NCAM2: variants seen among roughly 807,000 people sequenced by gnomAD.
The protein encoded by NCAM2 is N-CAM-2.
NCAM2 carries 30 observed loss-of-function variants against 98.1 expected under a neutral mutation model. The observed-to-expected ratio is 0.31, with a 90% CI of 0.23 to 0.41. The LOEUF (loss-of-function observed/expected upper bound fraction) is 0.41, where lower values mean the gene tolerates loss of function less well. Ranked by LOEUF, NCAM2 falls within the 10% of genes least tolerant of loss-of-function variation. The probability of loss-of-function intolerance (pLI) is 1.00; values close to 1 mark genes in which losing one functional copy is unlikely to be tolerated. For missense variants in NCAM2, 867 were observed against 1,005.8 expected (o/e 0.86, Z 1.87); for synonymous variants, 368 against 342.4 (o/e 1.07, Z -0.83).
In NCAM2 at chr21:21,530,047, A is replaced by C. The variant is rs1017454295; in HGVS notation, c.2283-4490A>C. The stretch of plus-strand genomic sequence containing the variant: ...TCTATATGTAATTTTATATTTAATT[A>C]AATAAAAATATATATACTTTAAATA... On this transcript the variant is annotated intron_variant, in intron 16 of 17. Transcript: ENST00000400546. Among the ~76,000 whole-genome samples the C allele has an allele frequency of 5.5e-5, 8 of 146,594 alleles. No homozygotes were observed. In the Admixed American group the frequency reaches 5.5e-4, roughly 10 times the overall value.
intron 15 of NCAM2, among the ~76,000 whole-genome samples, chr21:21,490,127 C>G (rs1334859100): frequency 1.3e-5 from 2 of 152,080 alleles, no homozygotes; most frequent in East Asian, 3.9e-4. Flanking sequence ...TATTCCCTGG[C>G]TATTAACTAA....
intron 1 of NCAM2, among the ~76,000 whole-genome samples, chr21:21,238,158 T>A (rs575226207): frequency 9.9e-5 from 15 of 152,166 alleles, no homozygotes; most frequent in African/African-American, 3.6e-4. Context: ...GGTTTTGTCA[T>A]CTTGGCCAGG....
At chr21:21,127,814 G>A (rs1158368639) in intron 1 of NCAM2, among the ~76,000 whole-genome samples, 1 of 151,966 alleles carries the variant, frequency 6.6e-6, no homozygotes, top group Non-Finnish European at 1.5e-5. Flanking sequence ...ATATTTCATT[G>A]TGTATATATA....
chr21:21,049,596 G>A (rs940309622), intron 1 of NCAM2, among the ~76,000 whole-genome samples: 1 of 151,904 alleles, frequency 6.6e-6, no homozygotes, highest in South Asian at 2.1e-4. Flanking sequence ...TGTTAGCCAG[G>A]CGTGGGGGCT....
At chr21:21,517,859 A>G (rs1988798862) in intron 16 of NCAM2, among the ~76,000 whole-genome samples, 1 of 152,166 alleles carries the variant, frequency 6.6e-6, no homozygotes, top group African/African-American at 2.4e-5. Context: ...ATAAAAATAA[A>G]GTAAAATAAA....
At chr21:21,491,366 G>A (rs13047195) in intron 15 of NCAM2, among the ~76,000 whole-genome samples, 102 of 151,668 alleles carry the variant, frequency 6.7e-4, no homozygotes, top group Middle Eastern at 3.4e-3. Context: ...GTCCATAAAG[G>A]AAATATAAAC....
intron 5 of NCAM2, among the ~76,000 whole-genome samples, chr21:21,307,803 T>A (rs1172752926): frequency 6.6e-6 from 1 of 152,160 alleles, no homozygotes; most frequent in Non-Finnish European, 1.5e-5. Context: ...TCTCTTCTGC[T>A]GCATCTCTTC....
At chr21:21,236,114 ATC>A (rs1288767377) in intron 1 of NCAM2, among the ~76,000 whole-genome samples, 2 of 151,884 alleles carry the variant, frequency 1.3e-5, no homozygotes, top group African/African-American at 4.8e-5. Flanking sequence ...TTGTCATTTC[ATC>A]TCTGATGAAA....
intron 10 of NCAM2, among the ~76,000 whole-genome samples, chr21:21,417,110 A>G (rs1209329276): frequency 6.6e-6 from 1 of 152,130 alleles, no homozygotes; most frequent in Admixed American, 6.5e-5. Context: ...GCTGTGTAAT[A>G]GTCACATTTC....
At chr21:21,536,348 TGGTAA>T (rs1416283892) in intron 17 of NCAM2, among the ~76,000 whole-genome samples, 1 of 151,782 alleles carries the variant, frequency 6.6e-6, no homozygotes, top group Non-Finnish European at 1.5e-5. Flanking sequence ...CATTATAACA[TGGTAA>T]GGTTAAAGTC....
intron 9 of NCAM2, among the ~76,000 whole-genome samples, chr21:21,378,893 A>C (rs550078545): frequency 5.1e-4 from 77 of 152,272 alleles, no homozygotes; most frequent in African/African-American, 1.8e-3. Flanking sequence ...TCAAAAGCAA[A>C]GAATTATAAT....
At chr21:21,226,939 A>G (rs2070406619) in intron 1 of NCAM2, 1 of 152,028 alleles carries the variant, frequency 6.6e-6, no homozygotes, top group Admixed American at 6.6e-5. Context: ...AGTTGATGGA[A>G]GAAGAGAAAG....
At chr21:21,302,054 C>T (rs978803481) in intron 5 of NCAM2, among the ~76,000 whole-genome samples, 103 of 147,444 alleles carry the variant, frequency 7.0e-4, no homozygotes, top group Non-Finnish European at 1.3e-3. Flanking sequence ...GTCAGTGTGG[C>T]GATTCCTCAG....
intron 1 of NCAM2, among the ~76,000 whole-genome samples, chr21:21,232,096 GA>G (rs2070651315): frequency 6.6e-6 from 1 of 151,356 alleles, no homozygotes; most frequent in Admixed American, 6.6e-5. Flanking sequence ...TATCTTGCAG[GA>G]AGGGTGAACT....
intron 1 of NCAM2, among the ~76,000 whole-genome samples, chr21:21,149,766 AGTATT>A (rs1437308152): frequency 2.0e-5 from 3 of 152,170 alleles, no homozygotes; most frequent in Non-Finnish European, 4.4e-5. Flanking sequence ...ATGGCTGCAT[AGTATT>A]ACATGGTGTA....
chr21:21,417,144 G>T (rs1274521505), intron 10 of NCAM2, among the ~76,000 whole-genome samples: 1 of 151,932 alleles, frequency 6.6e-6, no homozygotes, highest in Non-Finnish European at 1.5e-5. Context: ...TCCTGTCTTG[G>T]CATTATATTG....
intron 1 of NCAM2, among the ~76,000 whole-genome samples, chr21:21,108,014 T>A (rs1255513986): frequency 6.6e-6 from 1 of 152,082 alleles, no homozygotes; most frequent in Non-Finnish European, 1.5e-5. Context: ...GTACCAAAAT[T>A]TCACACGATA....
chr21:21,399,264 A>G (rs1349970872), intron 9 of NCAM2, among the ~76,000 whole-genome samples: 1 of 152,242 alleles, frequency 6.6e-6, no homozygotes, highest in African/African-American at 2.4e-5. Flanking sequence ...TCTAGCCTCC[A>G]TGTAAGAATG....
chr21:21,053,493 G>T (rs1265197579), intron 1 of NCAM2, among the ~76,000 whole-genome samples: 3 of 151,436 alleles, frequency 2.0e-5, no homozygotes, highest in Non-Finnish European at 3.0e-5. Context: ...CTTTGTTTTG[G>T]TTTTTTGGAA....
Sources: allele counts gnomAD v4.1 joint callset (sites outside exome capture counted in the v4.1 genomes callset), GRCh38; gene constraint gnomAD v4.1.1; transcripts MANE v1.5; gene names NCBI Gene and HGNC (gene_info 2026-07-23, HGNC 2026-07-21).